The following FOXN2 variants were observed in gnomAD, a reference collection of about 807,000 sequenced individuals.
FOXN2 encodes the protein forkhead box N2.
Under a neutral mutation model 41.2 loss-of-function variants are expected in FOXN2, and 19 were observed. The observed-to-expected ratio is 0.46, with a 90% CI of 0.32 to 0.68. FOXN2 has a LOEUF of 0.68. Ranked by LOEUF, FOXN2 falls within the 30% of genes least tolerant of loss-of-function variation. The probability of loss-of-function intolerance (pLI) is 0.03; values close to 1 mark genes in which losing one functional copy is unlikely to be tolerated. For missense variants in FOXN2, 587 were observed against 509.4 expected (o/e 1.15, Z -1.47); for synonymous variants, 195 against 176.8 (o/e 1.10, Z -0.82).
At chr2:48,326,626 A>G (rs1318317036) in intron 1 of FOXN2, among the ~76,000 whole-genome samples, 1 of 152,184 alleles carries the variant, frequency 6.6e-6, no homozygotes. Context: ...CAAAAATCCA[A>G]AATCTGAAAT....
intron 2 of FOXN2, among the ~76,000 whole-genome samples, chr2:48,332,208 T>G (rs965730020): frequency 1.3e-5 from 2 of 152,192 alleles, no homozygotes; most frequent in Admixed American, 1.3e-4. Flanking sequence ...AACTCATGAT[T>G]ATTTCAGAGG....
At position 48,377,561 on chromosome 2, in the gene FOXN2, A is replaced by G. The variant is rs1238956849; in HGVS notation, c.*2118A>G. On this transcript the variant is annotated 3_prime_UTR_variant, in exon 7 of 7. Transcript: ENST00000340553. ...AGCTCTAATAGGGATCTTCAAAGTT[A>G]TTTTGTCTTGATGTATGTAACAGTA... The G allele has an allele frequency of 6.6e-6, 1 of 151,902 alleles. No homozygotes were observed. Among genetic ancestry groups the G allele is most frequent in the East Asian group, 1.9e-4 (1 of 5,204 alleles). 9.4% of individuals were successfully genotyped at this position (151,902 alleles called of 1,614,324 possible).
At chr2:48,349,715 C>T (rs765006105) in intron 3 of FOXN2, among the ~76,000 whole-genome samples, 5 of 152,110 alleles carry the variant, frequency 3.3e-5, no homozygotes, top group African/African-American at 1.2e-4. Context: ...GAGCCTAGAT[C>T]GTGCCATTGC....
At chr2:48,318,767 C>A (rs1290640368) in intron 1 of FOXN2, among the ~76,000 whole-genome samples, 2 of 152,136 alleles carry the variant, frequency 1.3e-5, no homozygotes, top group African/African-American at 4.8e-5. Flanking sequence ...GACATTTGTT[C>A]TGGAGTCTGC....
At chr2:48,366,000 C>A (rs1672504266) in intron 5 of FOXN2, among the ~76,000 whole-genome samples, 1 of 152,116 alleles carries the variant, frequency 6.6e-6, no homozygotes, top group South Asian at 2.1e-4. Context: ...CTCCTTGTGC[C>A]AGACACTGTT....
At chr2:48,315,014 G>C (rs867255703) in intron 1 of FOXN2, among the ~76,000 whole-genome samples, 200 bp downstream of exon 1, 3 of 152,122 alleles carry the variant, frequency 2.0e-5, no homozygotes, top group Non-Finnish European at 2.9e-5. Flanking sequence ...GCGCGTATCG[G>C]GTGGTGTGTG....
chr2:48,343,600 A>G (rs1403782939), intron 2 of FOXN2, among the ~76,000 whole-genome samples: 1 of 152,108 alleles, frequency 6.6e-6, no homozygotes, highest in East Asian at 1.9e-4. Context: ...TTTCTATAAA[A>G]AAAATTTAAA....
chr2:48,332,024 ATTATT>A (rs1290027626), intron 2 of FOXN2, among the ~76,000 whole-genome samples: 1 of 152,148 alleles, frequency 6.6e-6, no homozygotes, highest in Admixed American at 6.5e-5. Flanking sequence ...TGGAAAAATT[ATTATT>A]TTGAGTATTT....
chr2:48,373,217 TCAGGGG>T, intron 5 of FOXN2, 69 bp from the exon 6 acceptor site: 1 of 1,030,048 alleles, frequency 9.7e-7, no homozygotes, highest in Non-Finnish European at 1.5e-6. Context: ...CTGGTTATCT[TCAGGGG>T]CATGCAAATA....
intron 1 of FOXN2, among the ~76,000 whole-genome samples, chr2:48,326,635 A>G (rs556547950): frequency 2.6e-5 from 4 of 152,320 alleles, no homozygotes; most frequent in African/African-American, 9.6e-5. Context: ...AAAATCTGAA[A>G]TGCTTCAAAA....
At chr2:48,317,577 C>T (rs1267390946) in intron 1 of FOXN2, among the ~76,000 whole-genome samples, 3 of 143,410 alleles carry the variant, frequency 2.1e-5, no homozygotes, top group African/African-American at 5.2e-5. Context: ...TGTACAATGC[C>T]TATAGCCTAT....
intron 1 of FOXN2, among the ~76,000 whole-genome samples, chr2:48,315,406 T>C (rs1668842457): frequency 6.6e-6 from 1 of 151,760 alleles, no homozygotes; most frequent in African/African-American, 2.4e-5. Flanking sequence ...CCCGGGTGTG[T>C]GTGGGAGCGA....
chr2:48,344,645 T>A (rs1326504466), intron 2 of FOXN2, among the ~76,000 whole-genome samples: 3 of 152,210 alleles, frequency 2.0e-5, no homozygotes, highest in African/African-American at 7.2e-5. Flanking sequence ...TCTAAGGCTG[T>A]TGCTAATGGA....
At chr2:48,348,413 C>G (rs1271011726) in intron 3 of FOXN2, among the ~76,000 whole-genome samples, 1 of 152,168 alleles carries the variant, frequency 6.6e-6, no homozygotes, top group South Asian at 2.1e-4. Context: ...AAATTCCCCA[C>G]TAGATCCATA....
At chr2:48,327,992 C>T (rs565428835) in intron 1 of FOXN2, among the ~76,000 whole-genome samples, 1 of 152,078 alleles carries the variant, frequency 6.6e-6, no homozygotes, top group Non-Finnish European at 1.5e-5. Context: ...TCATTGTCTG[C>T]ATTTATTAGA....
At chr2:48,347,055 A>G (rs975924848) in intron 3 of FOXN2, among the ~76,000 whole-genome samples, 2 of 152,072 alleles carry the variant, frequency 1.3e-5, no homozygotes, top group East Asian at 1.9e-4. Flanking sequence ...TTTATTCAAT[A>G]TGATAATCTC....
At chr2:48,314,681 C>T (rs1668758975), upstream of FOXN2, 1 of 153,080 alleles carries the variant, frequency 6.5e-6, no homozygotes, top group Admixed American at 6.5e-5. Context: ...CCGGGGCCGC[C>T]ACTGCAGCTG....
chr2:48,329,392 T>G (rs1339583778), intron 2 of FOXN2, among the ~76,000 whole-genome samples: 3 of 152,176 alleles, frequency 2.0e-5, no homozygotes, highest in Admixed American at 6.5e-5. Context: ...TGGTATCTGC[T>G]TTTAGTATGA....
intron 5 of FOXN2, among the ~76,000 whole-genome samples, chr2:48,363,726 T>A (rs1010333957): frequency 1.3e-5 from 2 of 152,224 alleles, no homozygotes; most frequent in Non-Finnish European, 2.9e-5. Flanking sequence ...ACAAATACCA[T>A]TTGTGATACA....
Sources: gnomAD v4.1 joint callset for allele counts (sites outside exome capture counted in the v4.1 genomes callset) on GRCh38, gnomAD v4.1.1 for gene constraint, MANE v1.5 for transcripts, NCBI Gene and HGNC (gene_info 2026-07-23, HGNC 2026-07-21) for gene names.